HDC: variants seen among roughly 807,000 people sequenced by gnomAD.
The protein encoded by HDC is histidine decarboxylase.
Under a neutral mutation model 64.4 loss-of-function variants are expected in HDC, and 27 were observed. The ratio of observed to expected loss-of-function variants is 0.42; its 90% CI spans 0.31 to 0.58. The LOEUF is 0.58. HDC is among the 20% of genes least tolerant of loss of function. The pLI, the probability that HDC is intolerant of heterozygous loss-of-function variation, is 0.16. For synonymous variants in HDC, 305 were observed against 314.2 expected, an observed-to-expected ratio of 0.97 and a Z score of 0.31; for missense variants, 711 against 833.9, an observed-to-expected ratio of 0.85 and a Z score of 1.81.
At position 50,254,557 on chromosome 15, in the gene HDC, G is replaced by A; in HGVS notation, c.549C>T (p.Ala183=). ...GGTCAGAGGCATAGGCCACGAGTCG[G>A]GCATTTAGGCAGGACTCATCAGCAT... ...EPDADESCLN[A]RLVAYASDQA... is the part of the protein sequence containing the mutation. The change falls in exon 5 of 12, where the codon GCC becomes GCT. Residue 183 remains alanine, a synonymous_variant. Transcript: ENST00000267845. The A allele has an allele frequency of 6.2e-7, 1 of 1,614,230 alleles. No homozygotes were observed. The highest frequency in any genetic ancestry group is 8.5e-7 in the Non-Finnish European group (1 of 1,180,044).
At position 50,253,828 on chromosome 15, in the gene HDC, A is replaced by T. The variant is rs1034950849; in HGVS notation, c.721-162T>A. Reference sequence around the variant, plus strand: ...CCATGGCTCGTAAGAAACACATTTTATATAACAATCTAGTACATGTATACG... The same window carrying T: ...CCATGGCTCGTAAGAAACACATTTTTTATAACAATCTAGTACATGTATACG... On this transcript the variant is annotated intron_variant, in intron 6 of 11. Coordinates refer to ENST00000267845, the MANE Select transcript of HDC (RefSeq NM_002112.4). The T allele has an allele frequency of 3.3e-5, 23 of 707,492 alleles. No individual in the cohort carries two copies. The African/African-American group carries it at 3.7e-4, about 11-fold the overall frequency. The allele number at this position is 707,492 out of a possible 1,614,324, so 43.8% of individuals were successfully genotyped here.
At chr15:50,265,376 G>A (rs2045754001) in intron 1 of HDC, among the ~76,000 whole-genome samples, 1 of 151,698 alleles carries the variant, frequency 6.6e-6, no homozygotes, top group Admixed American at 6.6e-5. Context: ...TGTGAGAGTG[G>A]GTATATGAGA....
intron 9 of HDC, among the ~76,000 whole-genome samples, chr15:50,250,909 T>C (rs1459441541): frequency 1.3e-5 from 2 of 152,186 alleles, no homozygotes; most frequent in Non-Finnish European, 2.9e-5. Context: ...AAAGAGGGTG[T>C]GGACTGGTCC....
rs2045402153 is a variant in HDC at position 50,242,192 on chromosome 15, C to T, written c.*68G>A. 1 of 1,291,078 alleles carries T rather than the reference C, an allele frequency of 7.7e-7. No homozygotes were observed. The allele number at this position is 1,291,078 out of a possible 1,614,324, so 80.0% of individuals were successfully genotyped here. A position where few individuals can be genotyped will look rare whatever the true frequency, so the allele number is the denominator to read the frequency against. ...TGTACACATAAGCACACAAAGTTGGCATACAATTGTGAGGGGTTCACAGAG... is the reference window on the plus strand; with the variant it reads ...TGTACACATAAGCACACAAAGTTGGTATACAATTGTGAGGGGTTCACAGAG... On this transcript the variant is annotated 3_prime_UTR_variant, in exon 12 of 12. Transcript: ENST00000267845.
In HDC at chr15:50,258,524, G is replaced by GCA. The variant is rs773397555; in HGVS notation, c.205-9_205-8dup. The GCA allele has an allele frequency of 2.6e-6, 4 of 1,553,252 alleles. No homozygotes were observed. Among genetic ancestry groups the GCA allele is most frequent in the Non-Finnish European group, 1.8e-6 (2 of 1,124,704 alleles). ...GGCTCTGCCAATGTACCACCTGGAGGCAGAGCATGCACAGAGTTGGCACCA... is the reference window on the plus strand; with the variant it reads ...GGCTCTGCCAATGTACCACCTGGAGGCACAGAGCATGCACAGAGTTGGCACCA... On this transcript the variant is annotated splice_polypyrimidine_tract_variant and splice_region_variant and intron_variant, in intron 2 of 11. Transcript: ENST00000267845.
At chr15:50,257,308 C>T (rs562391814) in intron 4 of HDC, 117 bp downstream of exon 4, 184 of 1,256,584 alleles carry the variant, frequency 1.5e-4, no homozygotes, top group African/African-American at 3.4e-4. Flanking sequence ...TTGGTGATGA[C>T]GGTGTGGGTA....
intron 10 of HDC, among the ~76,000 whole-genome samples, chr15:50,244,299 T>G (rs889722322): frequency 2.6e-4 from 38 of 146,058 alleles, no homozygotes; most frequent in African/African-American, 9.3e-4. Context: ...TTTTTTTTTT[T>G]TTTTTTTTTT....
rs1416070230 is a variant in HDC at position 50,248,296 on chromosome 15, C to A, written c.1089G>T (p.Trp363Cys). The change falls in exon 10 of 12, where the codon TGG becomes TGT. Residue 363 changes from tryptophan (W) to cysteine (C), a missense_variant. Transcript: ENST00000267845. This position sits in a 1 kb window ranked among gnomAD's most constrained non-coding sequence, Gnocchi z 4.3. ...TCACCCCGAAGGACCGAATCACGAA[C>A]CAGAGTTTAACAGAGCGAAACCGTC... is the stretch of plus-strand genomic sequence containing the variant. The part of the protein sequence containing the change: ...LSRRFRSVKL[W>C]FVIRSFGVKN... The A allele has an allele frequency of 1.6e-5, 26 of 1,614,078 alleles. No individual in the cohort carries two copies. Among genetic ancestry groups the A allele is most frequent in the Non-Finnish European group, 8.5e-7 (1 of 1,180,018 alleles).
chr15:50,260,519 T>C (rs2045689155), intron 2 of HDC, among the ~76,000 whole-genome samples: 1 of 152,188 alleles, frequency 6.6e-6, no homozygotes. Context: ...AACGGTAAAC[T>C]AATCATGTGG....
rs768850034 is a variant in HDC, at chr15:50,258,494, A to G, written c.228T>C (p.His76=). 3.5e-5 allele frequency: 56 copies of G among 1,612,800 alleles called. 1 individual carries two copies. The South Asian group carries it at 5.7e-4, about 16-fold the overall frequency. The stretch of plus-strand genomic sequence containing the variant: ...TGAGGGCTGGGTAGTAGGCGTGCAT[A>G]TGGGGGCTCTGCCAATGTACCACCT... The part of the protein sequence containing the change: ...MPGVVHWQSP[H]MHAYYPALTS... The change falls in exon 3 of 12, where the codon CAT becomes CAC. Residue 76 remains histidine, a synonymous_variant. Transcript: ENST00000267845.
intron 10 of HDC, among the ~76,000 whole-genome samples, chr15:50,247,914 G>A (rs1271567350): frequency 6.6e-6 from 1 of 151,790 alleles, no homozygotes; most frequent in Non-Finnish European, 1.5e-5. Context: ...ATCCTACCCT[G>A]GCCACACACA....
chr15:50,262,304 G>C (rs2045714441), intron 2 of HDC, among the ~76,000 whole-genome samples: 1 of 152,178 alleles, frequency 6.6e-6, no homozygotes, highest in South Asian at 2.1e-4. Context: ...TACTAATTCT[G>C]TGACTTTGGG....
chr15:50,258,922 A>G (rs776934173), intron 2 of HDC, among the ~76,000 whole-genome samples: 3 of 152,002 alleles, frequency 2.0e-5, no homozygotes, highest in Non-Finnish European at 4.4e-5. Context: ...GCACTTTGGG[A>G]GGCCGAGGCA....
intron 4 of HDC, 77 bp from the exon 5 acceptor site, chr15:50,254,741 TCTCTCTCTCTC>T: frequency 3.8e-5 from 7 of 182,148 alleles, no homozygotes; most frequent in Admixed American, 1.2e-4. Context: ...TAGTTTTTTC[TCTCTCTCTCTC>T]TCTCTCTCTC....
In HDC at chr15:50,252,414, G is replaced by A. The variant is rs775071368; in HGVS notation, c.1041+16C>T. ...GCCACCCGAGCCCACCAGGCTGCCC[G>A]TCCCTGGCCACTCACCATGAAGTCG... On this transcript the variant is annotated intron_variant, in intron 9 of 11. Coordinates refer to ENST00000267845, the MANE Select transcript of HDC (RefSeq NM_002112.4). The A allele has an allele frequency of 1.6e-5, 25 of 1,610,766 alleles. 1 individual carries two copies. Among genetic ancestry groups the A allele is most frequent in the African/African-American group, 8.0e-5 (6 of 74,878 alleles).
intron 4 of HDC, among the ~76,000 whole-genome samples, chr15:50,256,934 T>C (rs2045640284): frequency 6.6e-6 from 1 of 152,166 alleles, no homozygotes; most frequent in Non-Finnish European, 1.5e-5. Context: ...TCCATGGCAC[T>C]ACTCTTGAAA....
chr15:50,242,655 C>T lies in HDC; in HGVS notation c.1594G>A (p.Gly532Ser), dbSNP rs201940833. The part of the protein sequence containing the change: ...IIKQPQRVGA[G>S]PMKRENGLHL... ...AGGCCATTTTCCCTTTTCATGGGAC[C>T]GGCTCCCACACGCTGAGGCTGCTTG... is the stretch of plus-strand genomic sequence containing the variant. Residue 532 changes from glycine to serine, a missense_variant, in exon 12 of 12, where the codon GGT (glycine) becomes AGT (serine). Physicochemically the swap from Gly to Ser is moderately conservative, Grantham distance 56. This residue lies in a region of HDC where 483 missense variants were observed against 540.9 expected (regional missense o/e 0.89). Transcript: ENST00000267845. 1.7e-5 allele frequency: 27 copies of T among 1,614,144 alleles called. No homozygotes were observed. The Admixed American group carries it at 2.2e-4, about 13-fold the overall frequency.
intron 6 of HDC, 114 bp downstream of exon 6, chr15:50,254,016 T>A (rs1470065326): frequency 9.0e-7 from 1 of 1,105,398 alleles, no homozygotes; most frequent in Non-Finnish European, 1.4e-6. Flanking sequence ...AAATACTGTA[T>A]GGGAGGACCT....
intron 9 of HDC, 34 bp downstream of exon 9, chr15:50,252,396 G>A: frequency 3.8e-6 from 6 of 1,586,804 alleles, no homozygotes; most frequent in Non-Finnish European, 5.2e-6. Context: ...CTGGCCACCC[G>A]AGCCCACCAG....
Sources: allele counts gnomAD v4.1 joint callset (sites outside exome capture counted in the v4.1 genomes callset), GRCh38; gene constraint gnomAD v4.1.1; regional missense constraint gnomAD v4.1.1; non-coding constraint Gnocchi (gnomAD v3.1); transcripts MANE v1.5; gene names NCBI Gene and HGNC (gene_info 2026-07-23, HGNC 2026-07-21).